GABRA5: variants seen among roughly 807,000 people sequenced by gnomAD.
GABRA5 encodes the protein gamma-aminobutyric acid type A receptor subunit alpha5, also known as gamma-aminobutyric acid receptor subunit alpha-5.
GABRA5 carries 18 observed loss-of-function variants against 47.3 expected under a neutral mutation model. The ratio of observed to expected loss-of-function variants is 0.38; its 90% CI spans 0.26 to 0.56. The LOEUF (loss-of-function observed/expected upper bound fraction) is 0.56, where lower values mean the gene tolerates loss of function less well. Among genes scored for constraint, GABRA5 ranks in the 20% least tolerant of loss-of-function variants. GABRA5 has a pLI of 0.71. For missense variants in GABRA5, 365 were observed against 599.3 expected (o/e 0.61, Z 4.08); for synonymous variants, 237 against 229.3 (o/e 1.03, Z -0.30).
At chr15:26,878,992 C>T (rs1252525627) in intron 3 of GABRA5, among the ~76,000 whole-genome samples, 2 of 152,190 alleles carry the variant, frequency 1.3e-5, no homozygotes, top group African/African-American at 2.4e-5. Context: ...GGCTGCACAG[C>T]CTCCAAATGG....
chr15:26,888,897 A>G (rs542870399), intron 6 of GABRA5, among the ~76,000 whole-genome samples: 119 of 152,286 alleles, frequency 7.8e-4, no homozygotes, highest in African/African-American at 2.6e-3. Context: ...GCAACAGGCA[A>G]GGAGGGAGTC....
At chr15:26,928,744 G>A (rs186229616) in intron 7 of GABRA5, among the ~76,000 whole-genome samples, 289 of 152,196 alleles carry the variant, frequency 1.9e-3, no homozygotes, top group Middle Eastern at 0.014. Flanking sequence ...ACAAACTGAG[G>A]GACTTAAAAA....
At chr15:26,943,463 T>A in intron 10 of GABRA5, 37 bp downstream of exon 10, 1 of 1,524,042 alleles carries the variant, frequency 6.6e-7, no homozygotes, top group Non-Finnish European at 8.9e-7. Flanking sequence ...CCAGGTCCCC[T>A]TGACAGAGAA....
In GABRA5 at chr15:26,869,236, A is replaced by G. The variant is rs369450300; in HGVS notation, c.-13A>G. 2.4e-4 allele frequency: 357 copies of G among 1,507,510 alleles called. 2 individuals are homozygous for G. The highest frequency in any genetic ancestry group is 2.2e-3 in the Middle Eastern group (13 of 5,868). 93.4% of individuals were successfully genotyped at this position (1,507,510 alleles called of 1,614,324 possible). ...TCCATATTCACCTGCTTCAACTACT[A>G]TTCTTATTGGGAATGGACAATGGAA... is the stretch of plus-strand genomic sequence containing the variant. On this transcript the variant is annotated 5_prime_UTR_variant, in exon 3 of 11. Coordinates refer to ENST00000335625, the MANE Select transcript of GABRA5 (RefSeq NM_000810.4).
chr15:26,920,920 T>C (rs929843706), intron 7 of GABRA5, among the ~76,000 whole-genome samples: 2 of 152,208 alleles, frequency 1.3e-5, no homozygotes, highest in African/African-American at 4.8e-5. Context: ...CTGCGTTTTC[T>C]GCATTAGTTG....
At chr15:26,888,406 G>A (rs1892929992) in intron 6 of GABRA5, among the ~76,000 whole-genome samples, 1 of 152,220 alleles carries the variant, frequency 6.6e-6, no homozygotes, top group African/African-American at 2.4e-5. Flanking sequence ...AGGCAGGGCA[G>A]TCAGGTCACT....
At position 26,937,168 on chromosome 15, in the gene GABRA5, G is replaced by A; in HGVS notation, c.581-17G>A. On this transcript the variant is annotated splice_polypyrimidine_tract_variant and intron_variant, in intron 7 of 10. Coordinates refer to ENST00000335625, the MANE Select transcript of GABRA5 (RefSeq NM_000810.4). The stretch of plus-strand genomic sequence containing the variant: ...TGATTTCATGTTTATGTCACTTTCT[G>A]CCCCCTCCTCATACAGATGCGTACC... 6.2e-7 allele frequency: 1 copy of A among 1,613,492 alleles called. No homozygotes were observed. Among genetic ancestry groups the A allele is most frequent in the South Asian group, 1.1e-5 (1 of 91,072 alleles).
chr15:26,943,099 A>G lies in GABRA5; in HGVS notation c.878-116A>G, dbSNP rs1350740668. ...ACTCTGTCTCAAAATAAAAATAAAA[A>G]TAAAAATGACTAGTCCCCTTTGTGT... On this transcript the variant is annotated intron_variant, in intron 9 of 10. Coordinates refer to ENST00000335625, the MANE Select transcript of GABRA5 (RefSeq NM_000810.4). 7.1e-6 allele frequency: 5 copies of G among 708,322 alleles called. No individual in the cohort carries two copies. The Middle Eastern group carries it at 1.2e-3, about 171-fold the overall frequency. The allele number at this position is 708,322 out of a possible 1,614,324, so 43.9% of individuals were successfully genotyped here.
chr15:26,914,925 T>C, intron 7 of GABRA5, 40 bp downstream of exon 7: 1 of 1,500,832 alleles, frequency 6.7e-7, no homozygotes, highest in Non-Finnish European at 9.3e-7. Context: ...GACATATACT[T>C]TGGGGATCAA....
intron 7 of GABRA5, among the ~76,000 whole-genome samples, chr15:26,932,372 C>T (rs1269075587): frequency 1.3e-5 from 2 of 152,272 alleles, no homozygotes; most frequent in East Asian, 1.9e-4. Flanking sequence ...AAAAGCTCAA[C>T]GTCACTGATC....
intron 7 of GABRA5, among the ~76,000 whole-genome samples, chr15:26,929,901 G>A (rs1438782966): frequency 2.0e-5 from 3 of 152,002 alleles, no homozygotes; most frequent in Non-Finnish European, 4.4e-5. Flanking sequence ...CACCCATCCC[G>A]GTATTCTCTC....
chr15:26,886,902 A>G (rs2140261343), intron 6 of GABRA5, among the ~76,000 whole-genome samples: 1 of 152,342 alleles, frequency 6.6e-6, no homozygotes, highest in East Asian at 1.9e-4. Flanking sequence ...AATGCGATAG[A>G]GCTATAGCTA....
At chr15:26,870,182 AT>A (rs2140240547) in intron 3 of GABRA5, among the ~76,000 whole-genome samples, 1 of 152,346 alleles carries the variant, frequency 6.6e-6, no homozygotes, top group South Asian at 2.1e-4. Context: ...ATCCACATTT[AT>A]GTAAATAATC....
chr15:26,941,111 C>G (rs913178624), intron 9 of GABRA5, among the ~76,000 whole-genome samples: 32 of 152,318 alleles, frequency 2.1e-4, no homozygotes, highest in Admixed American at 2.0e-3. Context: ...GTCTGATCAT[C>G]ACTCTGCCTC....
At chr15:26,875,835 TA>T (rs1892584033) in intron 3 of GABRA5, among the ~76,000 whole-genome samples, 1 of 151,688 alleles carries the variant, frequency 6.6e-6, no homozygotes, top group African/African-American at 2.4e-5. Flanking sequence ...TGGTTTTGAG[TA>T]GGTTTGAAAC....
intron 6 of GABRA5, among the ~76,000 whole-genome samples, chr15:26,884,270 T>A (rs1222031201): frequency 6.6e-6 from 1 of 152,220 alleles, no homozygotes; most frequent in Non-Finnish European, 1.5e-5. Context: ...AAAAGCCTAT[T>A]TCTCACATGC....
intron 6 of GABRA5, among the ~76,000 whole-genome samples, chr15:26,888,411 G>A (rs144354983): frequency 1.4e-3 from 218 of 152,302 alleles, no homozygotes; most frequent in Non-Finnish European, 2.6e-3. Context: ...GGGCAGTCAG[G>A]TCACTCCAAG....
intron 10 of GABRA5, among the ~76,000 whole-genome samples, chr15:26,946,610 G>C (rs975420161): frequency 4.6e-5 from 7 of 152,146 alleles, no homozygotes; most frequent in African/African-American, 1.2e-4. Context: ...TTTGCTGAGT[G>C]TGGACAAATA....
At position 26,883,209 on chromosome 15, in the gene GABRA5, C is replaced by T. The variant is rs367578626; in HGVS notation, c.252C>T (p.Phe84=). ...GGACCGACATCTACGTCACCAGCTT[C>T]GGCCCGGTGTCCGACACGGAAATGG... ...QVRTDIYVTS[F]GPVSDTEMEY... is the part of the protein sequence containing the mutation. Residue 84 remains phenylalanine, a synonymous_variant, in exon 5 of 11, where the codon TTC becomes TTT. Coordinates refer to ENST00000335625, the MANE Select transcript of GABRA5 (RefSeq NM_000810.4). This position sits in a 1 kb window ranked among gnomAD's most constrained non-coding sequence, Gnocchi z 4.8. 8 of 1,613,828 alleles carry T rather than the reference C, an allele frequency of 5.0e-6. No homozygotes were observed. Among genetic ancestry groups the T allele is most frequent in the Non-Finnish European group, 6.8e-6 (8 of 1,179,870 alleles).
Sources: allele counts gnomAD v4.1 joint callset (sites outside exome capture counted in the v4.1 genomes callset), GRCh38; gene constraint gnomAD v4.1.1; non-coding constraint Gnocchi (gnomAD v3.1); transcripts MANE v1.5; gene names NCBI Gene and HGNC (gene_info 2026-07-23, HGNC 2026-07-21).